The following RASAL2 variants were observed in gnomAD, a reference collection of about 807,000 sequenced individuals.
RASAL2 encodes the protein RAS protein activator like 2, also known as ras GTPase-activating protein nGAP.
Under a neutral mutation model 128.9 loss-of-function variants are expected in RASAL2, and 58 were observed. The ratio of observed to expected loss-of-function variants is 0.45; its 90% CI spans 0.36 to 0.56. The LOEUF (loss-of-function observed/expected upper bound fraction) is 0.56, where lower values mean the gene tolerates loss of function less well. Among genes scored for constraint, RASAL2 ranks in the 20% least tolerant of loss-of-function variants. RASAL2 has a pLI of 0.00. For missense variants in RASAL2, 1,360 were observed against 1,601.6 expected, an observed-to-expected ratio of 0.85 and a Z score of 2.57; for synonymous variants, 561 against 580.8, an observed-to-expected ratio of 0.97 and a Z score of 0.49.
chr1:178,239,635 G>C (rs1344790214), intron 1 of RASAL2, among the ~76,000 whole-genome samples: 2 of 152,030 alleles, frequency 1.3e-5, no homozygotes, highest in African/African-American at 4.8e-5. Context: ...TTAGTTCAAA[G>C]TGGTTAGACA....
At chr1:178,462,536 C>CA (rs1323439425) in intron 14 of RASAL2, among the ~76,000 whole-genome samples, 1 of 152,046 alleles carries the variant, frequency 6.6e-6, no homozygotes, top group Non-Finnish European at 1.5e-5. Flanking sequence ...ATTCATGAAA[C>CA]AAAAATCACC....
At chr1:178,370,593 G>A (rs1360791264) in intron 3 of RASAL2, among the ~76,000 whole-genome samples, 1 of 152,046 alleles carries the variant, frequency 6.6e-6, no homozygotes, top group East Asian at 1.9e-4. Flanking sequence ...CTACTTTTAA[G>A]TAATCGTCAA....
intron 2 of RASAL2, among the ~76,000 whole-genome samples, chr1:178,296,173 G>T (rs1483375059): frequency 6.6e-6 from 1 of 151,616 alleles, no homozygotes; most frequent in Non-Finnish European, 1.5e-5. Flanking sequence ...GTGTGTGTGT[G>T]TGCATATATA....
chr1:178,341,552 G>C, intron 3 of RASAL2: 1 of 1,613,704 alleles, frequency 6.2e-7, no homozygotes, highest in Non-Finnish European at 8.5e-7. Flanking sequence ...TTTCTGACTG[G>C]CGTGCCGGAA....
intron 15 of RASAL2, among the ~76,000 whole-genome samples, chr1:178,464,830 T>C: frequency 7.6e-6 from 1 of 131,274 alleles, no homozygotes; most frequent in African/African-American, 3.1e-5. Context: ...TGGTTTTAGT[T>C]GTTTTTTTTT....
intron 1 of RASAL2, among the ~76,000 whole-genome samples, chr1:178,195,429 C>G (rs1333190505): frequency 1.3e-5 from 2 of 152,106 alleles, no homozygotes; most frequent in East Asian, 1.9e-4. Flanking sequence ...AATTGTTGCT[C>G]TTGCTAAATA....
chr1:178,275,185 C>T (rs568107598), intron 1 of RASAL2, among the ~76,000 whole-genome samples: 1 of 152,246 alleles, frequency 6.6e-6, no homozygotes, highest in Admixed American at 6.5e-5. Context: ...AATTAAGGGA[C>T]TTACCTCTTT....
At chr1:178,198,976 A>G (rs1465058477) in intron 1 of RASAL2, among the ~76,000 whole-genome samples, 3 of 152,198 alleles carry the variant, frequency 2.0e-5, no homozygotes, top group Non-Finnish European at 4.4e-5. Flanking sequence ...GGCTCCACCC[A>G]GTTCAAGGTT....
chr1:178,461,845 G>A (rs139821802), intron 14 of RASAL2, among the ~76,000 whole-genome samples: 1 of 152,292 alleles, frequency 6.6e-6, no homozygotes, highest in African/African-American at 2.4e-5. Context: ...AAACCAATTG[G>A]TCTTGTTTAT....
intron 4 of RASAL2, among the ~76,000 whole-genome samples, chr1:178,409,261 C>G (rs1354109251): frequency 2.0e-5 from 3 of 151,996 alleles, no homozygotes; most frequent in African/African-American, 7.2e-5. Flanking sequence ...TTTTTGAGCC[C>G]CTACTAAATA....
chr1:178,252,454 G>A (rs1378591770), intron 1 of RASAL2, among the ~76,000 whole-genome samples: 1 of 152,034 alleles, frequency 6.6e-6, no homozygotes, highest in Non-Finnish European at 1.5e-5. Flanking sequence ...GTTTATAGTT[G>A]TATGGAGATT....
chr1:178,283,306 G>A (rs1046294808), intron 1 of RASAL2, among the ~76,000 whole-genome samples: 2 of 152,112 alleles, frequency 1.3e-5, no homozygotes, highest in Non-Finnish European at 2.9e-5. Flanking sequence ...ATATACAGTG[G>A]TAATTACTAT....
intron 1 of RASAL2, among the ~76,000 whole-genome samples, chr1:178,215,044 G>A (rs1663382134): frequency 6.6e-6 from 1 of 152,124 alleles, no homozygotes; most frequent in African/African-American, 2.4e-5. Flanking sequence ...TTTTAGCTGT[G>A]GAACTTTTTC....
Position 178,283,585 on chromosome 1 carries a change from A to G in RASAL2, c.224A>G (p.His75Arg). 1 of 1,613,328 alleles carries G rather than the reference A, an allele frequency of 6.2e-7. No individual in the cohort carries two copies. Among genetic ancestry groups the G allele is most frequent in the South Asian group, 1.1e-5 (1 of 90,998 alleles). The change falls in exon 2 of 18, where the codon CAC becomes CGC. Residue 75 changes from histidine (H) to arginine (R), a missense_variant. Around this residue, in one of 3 missense-constraint regions of RASAL2, gnomAD observed 617 missense variants for 714.2 expected, o/e 0.86. Transcript: ENST00000367649. ...RVYDVKGPPT[H>R]RLSCGQSPYT... Reference sequence around the variant, plus strand: ...GCAGATGTGAAAGGACCACCCACCCACCGTCTGTCTTGTGGTCAGTCACCC... The same window carrying G: ...GCAGATGTGAAAGGACCACCCACCCGCCGTCTGTCTTGTGGTCAGTCACCC...
intron 15 of RASAL2, 128 bp downstream of exon 15, chr1:178,464,540 A>C: frequency 9.8e-7 from 1 of 1,018,162 alleles, no homozygotes; most frequent in South Asian, 1.8e-5. Context: ...TAATCATCCT[A>C]TACATATCTA....
intron 4 of RASAL2, among the ~76,000 whole-genome samples, chr1:178,396,002 A>G (rs1673202677): frequency 6.6e-6 from 1 of 151,946 alleles, no homozygotes; most frequent in Admixed American, 6.6e-5. Context: ...GAAAATATAT[A>G]ATTTAGAACC....
chr1:178,375,696 A>G (rs1349209201), intron 3 of RASAL2, among the ~76,000 whole-genome samples: 3 of 152,174 alleles, frequency 2.0e-5, no homozygotes, highest in African/African-American at 4.8e-5. Flanking sequence ...CAAAGAATGT[A>G]TCAGCAGAAT....
chr1:178,132,458 G>A (rs930840209), intron 1 of RASAL2, among the ~76,000 whole-genome samples: 1 of 152,054 alleles, frequency 6.6e-6, no homozygotes, highest in African/African-American at 2.4e-5. Flanking sequence ...GATCATATAA[G>A]CAAGCTTTTA....
chr1:178,239,109 C>A (rs916873065), intron 1 of RASAL2, among the ~76,000 whole-genome samples: 11 of 152,060 alleles, frequency 7.2e-5, no homozygotes, highest in South Asian at 4.1e-4. Flanking sequence ...ATTACTTATT[C>A]ACCTTTACAA....
Sources: gnomAD v4.1 joint callset for allele counts (sites outside exome capture counted in the v4.1 genomes callset) on GRCh38, gnomAD v4.1.1 for gene constraint, gnomAD v4.1.1 regional missense constraint, MANE v1.5 for transcripts, NCBI Gene and HGNC (gene_info 2026-07-23, HGNC 2026-07-21) for gene names.